Variants in DPP10 observed in about 807,000 individuals in gnomAD.
DPP10 encodes the protein dipeptidyl peptidase like 10.
DPP10 carries 33 observed loss-of-function variants against 120.9 expected under a neutral mutation model. The observed-to-expected ratio is 0.27, with a 90% CI of 0.21 to 0.37. The LOEUF is 0.37. Among genes scored for constraint, DPP10 ranks in the 10% least tolerant of loss-of-function variants. DPP10 has a pLI of 1.00. For missense variants in DPP10, 816 were observed against 942.8 expected, an observed-to-expected ratio of 0.87 and a Z score of 1.76; for synonymous variants, 337 against 326.1, an observed-to-expected ratio of 1.03 and a Z score of -0.36.
At chr2:115,535,796 C>T (rs140640729) in intron 5 of DPP10, among the ~76,000 whole-genome samples, 9,279 of 151,486 alleles carry the variant, frequency 0.061, 358 homozygotes, top group Middle Eastern at 0.082. Flanking sequence ...CCTTGAGCAG[C>T]GATTTGTAGT....
chr2:114,530,085 A>G (rs984765757), intron 1 of DPP10, among the ~76,000 whole-genome samples: 1 of 152,076 alleles, frequency 6.6e-6, no homozygotes, highest in African/African-American at 2.4e-5. Context: ...CCTCTTCATG[A>G]CACTTTATGA....
At chr2:114,608,951 C>T (rs1558929213) in intron 1 of DPP10, among the ~76,000 whole-genome samples, 1 of 152,022 alleles carries the variant, frequency 6.6e-6, no homozygotes, top group Non-Finnish European at 1.5e-5. Flanking sequence ...TGCTCAGTAC[C>T]TGTGTGATGG....
At chr2:114,449,537 G>A (rs1678134988) in intron 1 of DPP10, among the ~76,000 whole-genome samples, 1 of 150,400 alleles carries the variant, frequency 6.6e-6, no homozygotes, top group South Asian at 2.1e-4. Flanking sequence ...CCTACTACCT[G>A]CAAACGGATA....
chr2:114,974,831 TCTC>T (rs1433931358), intron 1 of DPP10, among the ~76,000 whole-genome samples: 1 of 152,102 alleles, frequency 6.6e-6, no homozygotes, highest in Non-Finnish European at 1.5e-5. Flanking sequence ...CAGAATGTGT[TCTC>T]CTCATTAAGT....
chr2:115,075,099 A>G (rs1707678200), intron 1 of DPP10, among the ~76,000 whole-genome samples: 1 of 152,158 alleles, frequency 6.6e-6, no homozygotes, highest in Admixed American at 6.5e-5. Flanking sequence ...TGAAGCCATG[A>G]GTGTGGGAGG....
chr2:115,473,790 A>G (rs1306780875), intron 3 of DPP10, among the ~76,000 whole-genome samples: 1 of 152,206 alleles, frequency 6.6e-6, no homozygotes, highest in African/African-American at 2.4e-5. Context: ...GACATAGAGA[A>G]CATTATTTTT....
intron 1 of DPP10, among the ~76,000 whole-genome samples, chr2:114,533,354 C>T (rs1395672611): frequency 6.6e-6 from 1 of 151,936 alleles, no homozygotes; most frequent in African/African-American, 2.4e-5. Flanking sequence ...ATTATTATTA[C>T]TATTATCGTA....
At chr2:115,402,799 A>G (rs931898429) in intron 3 of DPP10, among the ~76,000 whole-genome samples, 5 of 147,302 alleles carry the variant, frequency 3.4e-5, no homozygotes, top group Non-Finnish European at 3.0e-5. Flanking sequence ...TTATATCCCA[A>G]ACTCATTACC....
intron 7 of DPP10, among the ~76,000 whole-genome samples, chr2:115,691,959 TATTTATTTA>T (rs1204913271): frequency 2.0e-5 from 3 of 152,156 alleles, no homozygotes; most frequent in African/African-American, 7.2e-5. Context: ...GTACTCAAAT[TATTTATTTA>T]ATATATATCA....
intron 15 of DPP10, among the ~76,000 whole-genome samples, chr2:115,778,063 C>CTTTTGCAG (rs1361417738): frequency 3.1e-4 from 47 of 152,078 alleles, no homozygotes; most frequent in African/African-American, 1.1e-3. Context: ...TTCTTTTCTT[C>CTTTTGCAG]ACCTGCTTTT....
chr2:115,777,145 C>T, intron 13 of DPP10, 63 bp from the exon 14 acceptor site: 3 of 1,444,704 alleles, frequency 2.1e-6, no homozygotes, highest in Admixed American at 1.7e-5. Context: ...TTGGTACATT[C>T]GTGTTTACCA....
At chr2:115,609,854 A>T (rs1241354603) in intron 5 of DPP10, among the ~76,000 whole-genome samples, 1 of 152,168 alleles carries the variant, frequency 6.6e-6, no homozygotes, top group African/African-American at 2.4e-5. Context: ...TAAAAACTGA[A>T]ATATGCCATA....
intron 1 of DPP10, among the ~76,000 whole-genome samples, chr2:114,805,285 G>T (rs1433197918): frequency 6.6e-6 from 1 of 152,112 alleles, no homozygotes; most frequent in Non-Finnish European, 1.5e-5. Context: ...ACATTTAGTA[G>T]TTGCCCTTCA....
chr2:115,762,498 T>C, intron 11 of DPP10, 74 bp from the exon 12 acceptor site: 1 of 1,547,816 alleles, frequency 6.5e-7, no homozygotes, highest in Non-Finnish European at 8.9e-7. Context: ...GATAACCGTG[T>C]TTTAAAAAAG....
intron 3 of DPP10, among the ~76,000 whole-genome samples, chr2:115,454,254 A>G (rs1425992766): frequency 6.6e-6 from 1 of 151,654 alleles, no homozygotes; most frequent in African/African-American, 2.4e-5. Context: ...ATGCATCACA[A>G]GGAAACACAA....
At chr2:115,082,256 TGCCTTTGTGA>T (rs1708334282) in intron 1 of DPP10, among the ~76,000 whole-genome samples, 1 of 152,180 alleles carries the variant, frequency 6.6e-6, no homozygotes, top group Non-Finnish European at 1.5e-5. Flanking sequence ...CTTCCTCTGC[TGCCTTTGTGA>T]GCCAAGGGGA....
In DPP10 at chr2:115,005,942, A is replaced by C. The variant is rs1281573841; in HGVS notation, c.61-303297A>C. Among the ~76,000 whole-genome samples the C allele has an allele frequency of 2.6e-5, 4 of 152,274 alleles. No homozygotes were observed. The East Asian group carries it at 7.7e-4, about 29-fold the overall frequency. On this transcript the variant is annotated intron_variant, in intron 1 of 25. Transcript: ENST00000410059. ...AGATTCACCAAAGTTGAAATGAAGG[A>C]AAAAATGTTAAGGGCAGCCAGAGAG... is the stretch of plus-strand genomic sequence containing the variant.
intron 21 of DPP10, among the ~76,000 whole-genome samples, chr2:115,824,771 T>C (rs1688149022): frequency 6.6e-6 from 1 of 152,190 alleles, no homozygotes; most frequent in South Asian, 2.1e-4. Flanking sequence ...TTCTAATCAG[T>C]GTTCTTTAAC....
At chr2:114,873,771 C>A (rs941157783) in intron 1 of DPP10, among the ~76,000 whole-genome samples, 17 of 152,240 alleles carry the variant, frequency 1.1e-4, no homozygotes, top group African/African-American at 3.6e-4. Context: ...TCTGTTCATG[C>A]AGCTCTGTGA....
Sources: allele counts gnomAD v4.1 joint callset (sites outside exome capture counted in the v4.1 genomes callset), GRCh38; gene constraint gnomAD v4.1.1; transcripts MANE v1.5; gene names NCBI Gene and HGNC (gene_info 2026-07-23, HGNC 2026-07-21).